The following PLCH1 variants were observed in gnomAD, a reference collection of about 807,000 sequenced individuals.
PLCH1 encodes phospholipase C eta 1, also known as 1-phosphatidylinositol 4,5-bisphosphate phosphodiesterase eta-1.
A neutral mutation model predicts 126.7 loss-of-function variants in PLCH1; 60 were observed. That is an observed-to-expected ratio of 0.47 (90% CI 0.38 to 0.59). PLCH1 has a LOEUF of 0.59. Among genes scored for constraint, PLCH1 ranks in the 20% least tolerant of loss-of-function variants. PLCH1 has a pLI of 0.00. For missense variants in PLCH1, 1,723 were observed against 2,040.0 expected, an observed-to-expected ratio of 0.84 and a Z score of 2.99; for synonymous variants, 719 against 734.9, an observed-to-expected ratio of 0.98 and a Z score of 0.35.
chr3:155,648,488 C>G (rs889004220), intron 2 of PLCH1, among the ~76,000 whole-genome samples: 7 of 152,178 alleles, frequency 4.6e-5, no homozygotes, highest in African/African-American at 1.7e-4. Context: ...GGTGAACATG[C>G]AACTTCCATC....
intron 3 of PLCH1, among the ~76,000 whole-genome samples, chr3:155,595,137 C>T (rs1732810647): frequency 6.6e-6 from 1 of 152,106 alleles, no homozygotes; most frequent in African/African-American, 2.4e-5. Flanking sequence ...GAAAGCTCAA[C>T]AGGGAGAATA....
chr3:155,627,210 G>A (rs1737413315), intron 2 of PLCH1, among the ~76,000 whole-genome samples: 1 of 152,220 alleles, frequency 6.6e-6, no homozygotes, highest in Non-Finnish European at 1.5e-5. Context: ...CATGCATTTT[G>A]ACCTTGCAAG....
At chr3:155,606,169 T>C (rs1168019978) in intron 2 of PLCH1, among the ~76,000 whole-genome samples, 2 of 152,214 alleles carry the variant, frequency 1.3e-5, no homozygotes, top group East Asian at 3.8e-4. Flanking sequence ...TCTTGTTTTT[T>C]GAGGAAAAAA....
chr3:155,713,760 A>C (rs1441777894), intron 1 of PLCH1, among the ~76,000 whole-genome samples: 1 of 152,192 alleles, frequency 6.6e-6, no homozygotes, highest in East Asian at 1.9e-4. Flanking sequence ...CCTGTGCTTC[A>C]GCTGCCTCAT....
At chr3:155,552,613 A>G (rs903260975) in intron 9 of PLCH1, among the ~76,000 whole-genome samples, 2 of 152,148 alleles carry the variant, frequency 1.3e-5, no homozygotes, top group Non-Finnish European at 2.9e-5. Context: ...GGGAAGCTGA[A>G]AGACAGTCAT....
intron 2 of PLCH1, among the ~76,000 whole-genome samples, chr3:155,625,366 T>G (rs1041795028): frequency 1.3e-5 from 2 of 151,862 alleles, no homozygotes; most frequent in Admixed American, 1.3e-4. Flanking sequence ...CCAAAAGCAA[T>G]GACAACAAAA....
chr3:155,464,740 T>C (rs372382948), intron 21 of PLCH1, among the ~76,000 whole-genome samples: 14 of 152,306 alleles, frequency 9.2e-5, no homozygotes, highest in South Asian at 6.2e-4. Flanking sequence ...CTCTTCCTTA[T>C]TAGGCAATCT....
chr3:155,496,391 T>G (rs895344083), intron 15 of PLCH1, among the ~76,000 whole-genome samples: 3 of 152,166 alleles, frequency 2.0e-5, no homozygotes, highest in East Asian at 1.9e-4. Context: ...ATCCTACAGG[T>G]TCTCATGCTC....
intron 2 of PLCH1, among the ~76,000 whole-genome samples, chr3:155,642,936 G>T (rs577840267): frequency 6.6e-6 from 1 of 151,804 alleles, no homozygotes. Context: ...CTTGTTTTTT[G>T]GTTGGTTTTT....
At chr3:155,639,904 T>A (rs978982715) in intron 2 of PLCH1, among the ~76,000 whole-genome samples, 1 of 152,024 alleles carries the variant, frequency 6.6e-6, no homozygotes, top group African/African-American at 2.4e-5. Flanking sequence ...TTTAAATATG[T>A]GTGGTACCTC....
intron 2 of PLCH1, among the ~76,000 whole-genome samples, chr3:155,677,069 G>A (rs1285063416): frequency 6.6e-6 from 1 of 152,218 alleles, no homozygotes; most frequent in Admixed American, 6.5e-5. Flanking sequence ...TTGAGGCATT[G>A]TAACTAAGCC....
chr3:155,732,764 G>A (rs1450317199), intron 1 of PLCH1, among the ~76,000 whole-genome samples: 2 of 151,270 alleles, frequency 1.3e-5, no homozygotes, highest in African/African-American at 4.9e-5. Flanking sequence ...TGTAGTCCCA[G>A]CTACTCAGGA....
chr3:155,602,483 G>A (rs1164911591), intron 2 of PLCH1, among the ~76,000 whole-genome samples: 1 of 152,132 alleles, frequency 6.6e-6, no homozygotes, highest in African/African-American at 2.4e-5. Flanking sequence ...TCTTAAGGGT[G>A]AGGATACATT....
chr3:155,534,988 G>A (rs780949275), intron 10 of PLCH1, among the ~76,000 whole-genome samples: 2 of 152,278 alleles, frequency 1.3e-5, no homozygotes, highest in South Asian at 2.1e-4. Context: ...TCTGTGTCAG[G>A]TATTTCTTTA....
chr3:155,659,014 C>A (rs1301256854), intron 2 of PLCH1, among the ~76,000 whole-genome samples: 1 of 152,180 alleles, frequency 6.6e-6, no homozygotes, highest in Non-Finnish European at 1.5e-5. Context: ...AGGAGCCATA[C>A]CACATTCAAA....
At chr3:155,518,163 A>G (rs1316760438) in intron 11 of PLCH1, among the ~76,000 whole-genome samples, 1 of 152,212 alleles carries the variant, frequency 6.6e-6, no homozygotes, top group Non-Finnish European at 1.5e-5. Context: ...TTCACAACTT[A>G]CAAATTGTTT....
chr3:155,481,603 C>T lies in PLCH1; in HGVS notation c.4423G>A (p.Ala1475Thr). Reference sequence around the variant, plus strand: ...TTGCAAGGACTAGGCAGTTTCAGAGCAGGCAAAGGAAGATGTGCCAACTGC... The same window carrying T: ...TTGCAAGGACTAGGCAGTTTCAGAGTAGGCAAAGGAAGATGTGCCAACTGC... ...PKQLAHLPLP[A>T]LKLPSPCKSK... The change falls in exon 23 of 23, where the codon GCT (alanine) becomes ACT (threonine). Residue 1475 changes from alanine (A) to threonine (T), a missense_variant. Physicochemically the swap from Ala to Thr is moderately conservative, Grantham distance 58. This residue lies in a region of PLCH1 where 947 missense variants were observed against 977.1 expected (regional missense o/e 0.97). Transcript: ENST00000460012. The surrounding 1 kb of genome is among the most constrained non-coding windows in gnomAD (Gnocchi z 4.2). The T allele has an allele frequency of 1.2e-6, 2 of 1,614,134 alleles. No individual in the cohort carries two copies. The highest frequency in any genetic ancestry group is 8.5e-7 in the Non-Finnish European group (1 of 1,180,038).
intron 1 of PLCH1, among the ~76,000 whole-genome samples, chr3:155,713,334 G>T (rs1469997200): frequency 2.0e-5 from 3 of 152,196 alleles, no homozygotes; most frequent in African/African-American, 7.2e-5. Flanking sequence ...TCCAGCAGGA[G>T]CCTCTGGAGT....
At chr3:155,593,816 G>A (rs906618691) in intron 4 of PLCH1, 125 bp downstream of exon 4, 10 of 873,014 alleles carry the variant, frequency 1.1e-5, no homozygotes, top group African/African-American at 1.7e-5. Context: ...CGGTGTGAGG[G>A]GTAAAGAAAG....
Sources: gnomAD v4.1 joint callset for allele counts (sites outside exome capture counted in the v4.1 genomes callset) on GRCh38, gnomAD v4.1.1 for gene constraint, gnomAD v4.1.1 regional missense constraint, Gnocchi (gnomAD v3.1) non-coding constraint, MANE v1.5 for transcripts, NCBI Gene and HGNC (gene_info 2026-07-23, HGNC 2026-07-21) for gene names.